FTSJ3: variants seen among roughly 807,000 people sequenced by gnomAD.
The protein encoded by FTSJ3 is pre-rRNA 2'-O-ribose RNA methyltransferase FTSJ3.
In FTSJ3, 46 loss-of-function variants were observed where a neutral mutation model predicts 111.5. That is an observed-to-expected ratio of 0.41 (90% CI 0.33 to 0.53). The LOEUF (loss-of-function observed/expected upper bound fraction) is 0.53, where lower values mean the gene tolerates loss of function less well. Among genes scored for constraint, FTSJ3 ranks in the 20% least tolerant of loss-of-function variants. The pLI is 0.19. For synonymous variants in FTSJ3, 408 were observed against 383.0 expected (o/e 1.07, Z -0.76); for missense variants, 1,075 against 1,063.8 (o/e 1.01, Z -0.15).
rs2040045050 is a variant in FTSJ3 at position 63,821,018 on chromosome 17, C to T, written c.1972+12G>A. 1.2e-6 allele frequency: 2 copies of T among 1,613,608 alleles called. No individual in the cohort carries two copies. The highest frequency in any genetic ancestry group is 1.7e-6 in the Non-Finnish European group (2 of 1,179,498). The stretch of plus-strand genomic sequence containing the variant: ...TGGTCTTTTCTCATTCCACTGCATA[C>T]AGAGCTCTCACCTGGGTCCTCAATA... On this transcript the variant is annotated intron_variant, in intron 17 of 20. Transcript: ENST00000427159.
chr17:63,825,004 T>C, intron 8 of FTSJ3, 44 bp downstream of exon 8: 1 of 1,596,910 alleles, frequency 6.3e-7, no homozygotes, highest in Non-Finnish European at 8.6e-7. Flanking sequence ...CCAACCTCCC[T>C]AGAGTTCCAG....
rs1199972537 is a variant in FTSJ3 at position 63,827,087 on chromosome 17, G to A, written c.-62C>T. The A allele has an allele frequency of 1.0e-5, 6 of 593,648 alleles. No individual in the cohort carries two copies. Among genetic ancestry groups the A allele is most frequent in the Admixed American group, 9.0e-5 (3 of 33,268 alleles). 36.8% of individuals were successfully genotyped at this position (593,648 alleles called of 1,614,324 possible). A position where few individuals can be genotyped will look rare whatever the true frequency, so the allele number is the denominator to read the frequency against. On this transcript the variant is annotated 5_prime_UTR_variant, in exon 1 of 21. Coordinates refer to ENST00000427159, the MANE Select transcript of FTSJ3 (RefSeq NM_017647.4). ...AGCCGCTTTCTCCACACTTGGAACC[G>A]CACAAGTATGCAGCTAACTACTTCC...
In FTSJ3 at chr17:63,820,001, G is replaced by T. The variant is rs747257896; in HGVS notation, c.2352-7C>A. 8 of 1,613,962 alleles carry T rather than the reference G, an allele frequency of 5.0e-6. No individual in the cohort carries two copies. The highest frequency in any genetic ancestry group is 4.5e-5 in the East Asian group (2 of 44,876). The stretch of plus-strand genomic sequence containing the variant: ...CCCAGCCTTCTTGTAGAGACTACAG[G>T]GGGGAAGAGAAGAGGTTAGAGGCTT... On this transcript the variant is annotated splice_polypyrimidine_tract_variant and splice_region_variant and intron_variant, in intron 20 of 20. Transcript: ENST00000427159.
At chr17:63,826,798 C>T (rs367755360) in intron 2 of FTSJ3, 38 bp downstream of exon 2, 17 of 1,596,082 alleles carry the variant, frequency 1.1e-5, no homozygotes, top group Non-Finnish European at 1.4e-5. Context: ...GGGCAGAGAT[C>T]GCTCGCTCGC....
chr17:63,823,939 G>A lies in FTSJ3; in HGVS notation c.1168C>T (p.Leu390=). ...VAELKRKKKK[L]LREQRKQRER... is the part of the protein sequence containing the mutation. ...CGCTGCTTTCTCTGCTCACGCAACA[G>A]CTTCTTTTTCTTCCTGAGGGGGTGG... Residue 390 remains leucine, a synonymous_variant, in exon 13 of 21, where the codon CTG becomes TTG. Coordinates refer to ENST00000427159, the MANE Select transcript of FTSJ3 (RefSeq NM_017647.4). 1 of 1,614,196 alleles carries A rather than the reference G, an allele frequency of 6.2e-7. No homozygotes were observed. Among genetic ancestry groups the A allele is most frequent in the Admixed American group, 1.7e-5 (1 of 60,022 alleles).
At chr17:63,824,952 C>G in intron 8 of FTSJ3, 23 bp from the exon 9 acceptor site, 1 of 1,575,070 alleles carries the variant, frequency 6.3e-7, no homozygotes, top group East Asian at 2.2e-5. Flanking sequence ...AAGAGAGAAG[C>G]TTGGTCAGGC....
At position 63,823,932 on chromosome 17, in the gene FTSJ3, CG is replaced by C. The variant is rs773489156; in HGVS notation, c.1174del (p.Arg392ValfsTer12). Reference sequence around the variant, plus strand: ...ACGCTCCCGCTGCTTTCTCTGCTCACGCAACAGCTTCTTTTTCTTCCTGAGG... The same window carrying C: ...ACGCTCCCGCTGCTTTCTCTGCTCACCAACAGCTTCTTTTTCTTCCTGAGG... ...ELKRKKKKLL[R>X]EQRKQRERVE... On this transcript the variant is annotated frameshift_variant, in exon 13 of 21. Transcript: ENST00000427159. LOFTEE classifies it high-confidence loss of function. 2 of 1,614,244 alleles carry C rather than the reference CG, an allele frequency of 1.2e-6. No homozygotes were observed. Among genetic ancestry groups the C allele is most frequent in the Non-Finnish European group, 1.7e-6 (2 of 1,180,044 alleles).
chr17:63,819,940 T>C lies in FTSJ3; in HGVS notation c.2406A>G (p.Val802=). The change falls in exon 21 of 21, where the codon GTA becomes GTG. Residue 802 remains valine, a synonymous_variant. Transcript: ENST00000427159. ...CTTTGCGGCCCACACCTTTTTTGGC[T>C]ACAACGTAGGTGACATGGCGTTTCT... is the stretch of plus-strand genomic sequence containing the variant. The part of the protein sequence containing the change: ...GKEKRHVTYV[V]AKKGVGRKVR... 1 of 1,614,212 alleles carries C rather than the reference T, an allele frequency of 6.2e-7. No homozygotes were observed. Among genetic ancestry groups the C allele is most frequent in the Non-Finnish European group, 8.5e-7 (1 of 1,180,030 alleles).
intron 13 of FTSJ3, 63 bp from the exon 14 acceptor site, chr17:63,822,231 G>C (rs527358932): frequency 2.9e-5 from 40 of 1,384,678 alleles, no homozygotes; most frequent in African/African-American, 4.3e-5. Context: ...TTTTTTCTGT[G>C]TCCCTCACCT....
rs754503836 is a variant in FTSJ3, at chr17:63,825,259, A to T, written c.578T>A (p.Ile193Asn). The change falls in exon 7 of 21, where the codon ATC (isoleucine) becomes AAC (asparagine). Residue 193 changes from isoleucine to asparagine, a missense_variant. This residue lies in a region of FTSJ3 where 208 missense variants were observed against 266.9 expected (regional missense o/e 0.78). Transcript: ENST00000427159. ...PQASRHESAEIFVVCQGFLAP... is the reference protein window; with the variant it reads ...PQASRHESAENFVVCQGFLAP... ...ATGCCCACCTTGGCAGACTACAAAG[A>T]TCTCTGCAGATTCATGGCGAGAGGC... 6.2e-7 allele frequency: 1 copy of T among 1,614,168 alleles called. No homozygotes were observed.
chr17:63,826,303 G>A lies in FTSJ3; in HGVS notation c.175C>T (p.Leu59=), dbSNP rs145903872. Residue 59 remains leucine (L), a splice_region_variant and synonymous_variant, in exon 4 of 21, where the codon CTG becomes TTG. Transcript: ENST00000427159. ...LDLCAAPGGW[L]QVAAKFMPVS... is the part of the protein sequence containing the mutation. ...GGCATAAACTTGGCAGCTACCTGCA[G>A]CCTATAAAAGGAACAGAAATTTAAA... The A allele has an allele frequency of 1.7e-5, 28 of 1,613,936 alleles. No homozygotes were observed. The African/African-American group carries it at 3.3e-4, about 19-fold the overall frequency.
Position 63,820,084 on chromosome 17 carries a change from C to G in FTSJ3, c.2346G>C (p.Leu782=). ...TTGTGGTGTCCTCCCATTACCTTCG[C>G]AGCTGTGCCACTTTCTCTCGTTCTG... is the stretch of plus-strand genomic sequence containing the variant. The part of the protein sequence containing the change: ...DISEREKVAQ[L]RSLYKKAGLG... Residue 782 remains leucine, a synonymous_variant, in exon 20 of 21, where the codon CTG becomes CTC. Transcript: ENST00000427159. The G allele has an allele frequency of 1.2e-6, 2 of 1,614,164 alleles. No homozygotes were observed. Among genetic ancestry groups the G allele is most frequent in the Non-Finnish European group, 1.7e-6 (2 of 1,180,024 alleles).
In FTSJ3 at chr17:63,824,926, C is replaced by CA. The variant is rs1567753794; in HGVS notation, c.714dup (p.Glu239Ter). 6.3e-7 allele frequency: 1 copy of CA among 1,583,064 alleles called. No homozygotes were observed. Among genetic ancestry groups the CA allele is most frequent in the East Asian group, 2.2e-5 (1 of 44,694 alleles). ...GTGAGGTCACCCTCAGCATAGCCTT[C>CA]AGCCTTAGGAAGGAAAAGAGAGAAG... On this transcript the variant is annotated frameshift_variant, in exon 9 of 21. Transcript: ENST00000427159. LOFTEE classifies it high-confidence loss of function.
chr17:63,819,796 C>G lies in FTSJ3; in HGVS notation c.*6G>C. 6.2e-7 allele frequency: 1 copy of G among 1,608,596 alleles called. No individual in the cohort carries two copies. The highest frequency in any genetic ancestry group is 8.5e-7 in the Non-Finnish European group (1 of 1,176,674). On this transcript the variant is annotated 3_prime_UTR_variant, in exon 21 of 21. Transcript: ENST00000427159. ...CCATGCTCTCCTGGGAGCCTGGCAG[C>G]TCTGCTTACTTCCGTTTGTGTTTTT...
chr17:63,827,500 G>A lies in FTSJ3; in HGVS notation c.-475C>T. On this transcript the variant is annotated 5_prime_UTR_variant, in exon 1 of 21. Transcript: ENST00000427159. ...CTGCTGAAGAGAGAAGATGGCGCTT[G>A]ACGGACCAGAGCAGGTATGGCGGGT... 2 of 1,551,752 alleles carry A rather than the reference G, an allele frequency of 1.3e-6. No individual in the cohort carries two copies. Among genetic ancestry groups the A allele is most frequent in the Non-Finnish European group, 1.7e-6 (2 of 1,147,002 alleles).
In FTSJ3 at chr17:63,819,663, T is replaced by C. The variant is rs2040027152; in HGVS notation, c.*139A>G. 1 of 780,846 alleles carries C rather than the reference T, an allele frequency of 1.3e-6. No homozygotes were observed. The highest frequency in any genetic ancestry group is 1.7e-5 in the African/African-American group (1 of 58,090). The allele number at this position is 780,846 out of a possible 1,614,324, so 48.4% of individuals were successfully genotyped here. A position where few individuals can be genotyped will look rare whatever the true frequency, so the allele number is the denominator to read the frequency against. On this transcript the variant is annotated 3_prime_UTR_variant, in exon 21 of 21. Transcript: ENST00000427159. The stretch of plus-strand genomic sequence containing the variant: ...CTCTGCTCAGGACCACCACGGGAGT[T>C]CTAGGCACTCCACCTCACTGTTCTT...
chr17:63,821,810 C>T lies in FTSJ3; in HGVS notation c.1509G>A (p.Glu503=), dbSNP rs1330348299. Residue 503 remains glutamate (E), a synonymous_variant, in exon 15 of 21, where the codon GAG becomes GAA. Coordinates refer to ENST00000427159, the MANE Select transcript of FTSJ3 (RefSeq NM_017647.4). The part of the protein sequence containing the change: ...MRLTEVQDDK[E]EEEEENPLLV... ...GCAGTGGATTCTCCTCCTCCTCCTC[C>T]TCTTTATCATCTTGCACTTCAGTAA... 12 of 1,613,998 alleles carry T rather than the reference C, an allele frequency of 7.4e-6. No individual in the cohort carries two copies. In the East Asian group the frequency reaches 1.1e-4, roughly 15 times the overall value.
Position 63,819,895 on chromosome 17 carries a change from G to A in FTSJ3, c.2451C>T (p.Val817=), listed in dbSNP as rs148678282. The part of the protein sequence containing the change: ...VGRKVRRPAG[V]RGHFKVVDSR... The stretch of plus-strand genomic sequence containing the variant: ...AGTCCACCACCTTGAAATGACCTCT[G>A]ACTCCAGCTGGCCGGCGCACTTTGC... The change falls in exon 21 of 21, where the codon GTC becomes GTT. Residue 817 remains valine, a synonymous_variant. Coordinates refer to ENST00000427159, the MANE Select transcript of FTSJ3 (RefSeq NM_017647.4). 2 of 1,614,154 alleles carry A rather than the reference G, an allele frequency of 1.2e-6. No individual in the cohort carries two copies. The highest frequency in any genetic ancestry group is 3.3e-5 in the Admixed American group (2 of 60,024).
Position 63,819,657 on chromosome 17 carries a change from G to A in FTSJ3, c.*145C>T, listed in dbSNP as rs950808944. On this transcript the variant is annotated 3_prime_UTR_variant, in exon 21 of 21. Coordinates refer to ENST00000427159, the MANE Select transcript of FTSJ3 (RefSeq NM_017647.4). ...CCTCCTCTCTGCTCAGGACCACCAC[G>A]GGAGTTCTAGGCACTCCACCTCACT... 9 of 721,776 alleles carry A rather than the reference G, an allele frequency of 1.2e-5. No homozygotes were observed. Among genetic ancestry groups the A allele is most frequent in the Middle Eastern group, 4.0e-4 (1 of 2,494 alleles). 44.7% of individuals were successfully genotyped at this position (721,776 alleles called of 1,614,324 possible).
Sources: gnomAD v4.1 joint callset for allele counts on GRCh38, gnomAD v4.1.1 for gene constraint, gnomAD v4.1.1 regional missense constraint, MANE v1.5 for transcripts, NCBI Gene and HGNC (gene_info 2026-07-23, HGNC 2026-07-21) for gene names.